SH3RF1: variants seen among roughly 807,000 people sequenced by gnomAD.
SH3RF1 encodes the protein SH3 domain containing ring finger 1, also known as E3 ubiquitin-protein ligase SH3RF1.
SH3RF1 carries 32 observed loss-of-function variants against 74.0 expected under a neutral mutation model. The ratio of observed to expected loss-of-function variants is 0.43; its 90% CI spans 0.33 to 0.58. SH3RF1 has a LOEUF of 0.58. SH3RF1 is among the 20% of genes least tolerant of loss of function. The pLI, the probability that SH3RF1 is intolerant of heterozygous loss-of-function variation, is 0.05. For synonymous variants in SH3RF1, 396 were observed against 439.6 expected, an observed-to-expected ratio of 0.90 and a Z score of 1.24; for missense variants, 954 against 1,130.9, an observed-to-expected ratio of 0.84 and a Z score of 2.24.
At chr4:169,116,846 T>A (rs1022805489) in intron 9 of SH3RF1, among the ~76,000 whole-genome samples, 12 of 152,206 alleles carry the variant, frequency 7.9e-5, no homozygotes, top group African/African-American at 2.7e-4. Flanking sequence ...TTGAGTCTAC[T>A]GAGTGCCTGG....
intron 2 of SH3RF1, among the ~76,000 whole-genome samples, chr4:169,210,322 C>G (rs966283420): frequency 2.0e-5 from 3 of 152,162 alleles, no homozygotes; most frequent in Admixed American, 2.0e-4. Context: ...CTGAACTTTA[C>G]CTTCTAATTC....
intron 2 of SH3RF1, among the ~76,000 whole-genome samples, chr4:169,157,993 C>T (rs1478697694): frequency 6.6e-6 from 1 of 152,192 alleles, no homozygotes; most frequent in African/African-American, 2.4e-5. Flanking sequence ...CCCACCTTGG[C>T]CTCCCAAAGT....
chr4:169,252,397 A>G (rs936074670), intron 2 of SH3RF1, among the ~76,000 whole-genome samples: 2 of 152,244 alleles, frequency 1.3e-5, no homozygotes, highest in African/African-American at 4.8e-5. Flanking sequence ...ACAATATTCC[A>G]TAGGATCAGC....
intron 2 of SH3RF1, among the ~76,000 whole-genome samples, chr4:169,226,666 C>T (rs1283124345): frequency 6.6e-6 from 1 of 152,126 alleles, no homozygotes; most frequent in Non-Finnish European, 1.5e-5. Flanking sequence ...AAATTGGCCA[C>T]AGTGCACCAT....
chr4:169,206,940 T>C (rs184707144), intron 2 of SH3RF1, among the ~76,000 whole-genome samples: 14 of 152,178 alleles, frequency 9.2e-5, no homozygotes, highest in Admixed American at 8.5e-4. Flanking sequence ...AATACTGGCA[T>C]GAACAACATA....
intron 2 of SH3RF1, among the ~76,000 whole-genome samples, chr4:169,257,399 G>C (rs1331546065): frequency 6.6e-6 from 1 of 152,174 alleles, no homozygotes; most frequent in Non-Finnish European, 1.5e-5. Flanking sequence ...AGACAGTCCT[G>C]ACTTACTCCT....
At chr4:169,184,179 T>G (rs1417255166) in intron 2 of SH3RF1, among the ~76,000 whole-genome samples, 2 of 152,172 alleles carry the variant, frequency 1.3e-5, no homozygotes, top group Admixed American at 1.3e-4. Context: ...ATCCCCTACT[T>G]CTGAAATCCA....
chr4:169,187,536 GTGTGT>G (rs1734629669), intron 2 of SH3RF1, among the ~76,000 whole-genome samples: 1 of 133,478 alleles, frequency 7.5e-6, no homozygotes, highest in African/African-American at 2.9e-5. Flanking sequence ...GTGTGTGTGT[GTGTGT>G]GTGTGTGTGT....
intron 2 of SH3RF1, among the ~76,000 whole-genome samples, chr4:169,163,646 T>A (rs1180139370): frequency 1.3e-5 from 2 of 152,150 alleles, no homozygotes; most frequent in African/African-American, 2.4e-5. Context: ...TAAATCACAT[T>A]AATGGTCTAA....
chr4:169,169,356 G>A (rs1734290531), intron 2 of SH3RF1, among the ~76,000 whole-genome samples: 1 of 152,136 alleles, frequency 6.6e-6, no homozygotes, highest in African/African-American at 2.4e-5. Flanking sequence ...CAGCACTTTG[G>A]GAGGCTGAGG....
At chr4:169,156,307 T>C in intron 3 of SH3RF1, 97 bp downstream of exon 3, 1 of 1,357,814 alleles carries the variant, frequency 7.4e-7, no homozygotes, top group Non-Finnish European at 9.8e-7. Flanking sequence ...ACAAAACTTG[T>C]ATTTTTTTTT....
At chr4:169,267,931 A>G (rs1731380705) in intron 2 of SH3RF1, among the ~76,000 whole-genome samples, 1 of 152,166 alleles carries the variant, frequency 6.6e-6, no homozygotes, top group Admixed American at 6.5e-5. Context: ...ACAAAAATGA[A>G]GTTGTTTTAA....
intron 2 of SH3RF1, among the ~76,000 whole-genome samples, chr4:169,262,837 C>T (rs1295348101): frequency 6.6e-6 from 1 of 152,104 alleles, no homozygotes; most frequent in East Asian, 1.9e-4. Flanking sequence ...CTTCCTTCTA[C>T]CCTGTTCAAG....
intron 2 of SH3RF1, among the ~76,000 whole-genome samples, chr4:169,161,224 G>A (rs1734144449): frequency 6.6e-6 from 1 of 152,198 alleles, no homozygotes; most frequent in African/African-American, 2.4e-5. Context: ...TTATCAAAAA[G>A]CTTGGCAATT....
chr4:169,250,351 T>C (rs1731081433), intron 2 of SH3RF1, among the ~76,000 whole-genome samples: 1 of 152,240 alleles, frequency 6.6e-6, no homozygotes, highest in African/African-American at 2.4e-5. Context: ...AGATTATTTT[T>C]TAAATCATTC....
chr4:169,160,455 T>C (rs772622396), intron 2 of SH3RF1, among the ~76,000 whole-genome samples: 1 of 152,220 alleles, frequency 6.6e-6, no homozygotes, highest in Non-Finnish European at 1.5e-5. Flanking sequence ...ATATACATTA[T>C]GGTTAGCCTA....
In SH3RF1 at chr4:169,122,032, T is replaced by G. The variant is rs1733443920; in HGVS notation, c.1346+68A>C. On this transcript the variant is annotated intron_variant, in intron 7 of 11. Transcript: ENST00000284637. ...TCAGCTCATGTCAGAAAGGTGTTTC[T>G]TGACCTCTGAGGTTTGGACTTCGTT... 7 of 1,579,682 alleles carry G rather than the reference T, an allele frequency of 4.4e-6. No individual in the cohort carries two copies. In the Admixed American group the frequency reaches 1.0e-4, roughly 23 times the overall value.
At chr4:169,108,015 T>C (rs1350768922) in intron 10 of SH3RF1, among the ~76,000 whole-genome samples, 1 of 152,254 alleles carries the variant, frequency 6.6e-6, no homozygotes, top group Non-Finnish European at 1.5e-5. Flanking sequence ...ATCTCTTGAA[T>C]TTTTGTCTCT....
Position 169,120,989 on chromosome 4 carries a change from C to G in SH3RF1, c.1347G>C (p.Val449=). ...AHLRPQTRPS[V]YVAIYPYTPR... ...GAGTGTATGGATATATAGCAACATA[C>G]CTAGAATAGAAAATAATATTTGATT... Residue 449 remains valine, a splice_region_variant and synonymous_variant, in exon 8 of 12, where the codon GTG becomes GTC. Transcript: ENST00000284637. 1 of 1,610,554 alleles carries G rather than the reference C, an allele frequency of 6.2e-7. No individual in the cohort carries two copies. Among genetic ancestry groups the G allele is most frequent in the South Asian group, 1.1e-5 (1 of 90,818 alleles).
Sources: gnomAD v4.1 joint callset for allele counts (sites outside exome capture counted in the v4.1 genomes callset) on GRCh38, gnomAD v4.1.1 for gene constraint, MANE v1.5 for transcripts, NCBI Gene and HGNC (gene_info 2026-07-23, HGNC 2026-07-21) for gene names.